CCDC66: variants seen among roughly 807,000 people sequenced by gnomAD.
CCDC66 encodes the protein coiled-coil domain-containing protein 66.
CCDC66 carries 133 observed loss-of-function variants against 128.3 expected under a neutral mutation model. The observed-to-expected ratio is 1.04, with a 90% CI of 0.90 to 1.20. The LOEUF (loss-of-function observed/expected upper bound fraction) is 1.20, where lower values mean the gene tolerates loss of function less well. CCDC66 is among the 50% of genes most tolerant of loss of function. The probability of loss-of-function intolerance (pLI) is 0.00; values close to 1 mark genes in which losing one functional copy is unlikely to be tolerated. For missense variants in CCDC66, 1,126 were observed against 1,075.5 expected (o/e 1.05, Z -0.66); for synonymous variants, 387 against 357.0 (o/e 1.08, Z -0.95).
chr3:56,613,934 C>G (rs1236385344), intron 11 of CCDC66, among the ~76,000 whole-genome samples, 184 bp downstream of exon 11: 1 of 152,094 alleles, frequency 6.6e-6, no homozygotes, highest in East Asian at 1.9e-4. Context: ...CACGTACCAA[C>G]ACATCTGGCT....
chr3:56,558,882 A>G lies in CCDC66; in HGVS notation c.48A>G (p.Gly16=). The G allele has an allele frequency of 6.5e-7, 1 of 1,549,476 alleles. No homozygotes were observed. The highest frequency in any genetic ancestry group is 8.7e-7 in the Non-Finnish European group (1 of 1,145,552). ...GLKLETELLD[G]KTKLILSPYE... is the part of the protein sequence containing the mutation. ...AGCTTGAAACTGAATTACTGGATGG[A>G]AAAACCAAGCTAATATTGTCTCCAT... The change falls in exon 2 of 18, where the codon GGA becomes GGG. Residue 16 remains glycine (G), a synonymous_variant. Coordinates refer to ENST00000394672, the MANE Select transcript of CCDC66 (RefSeq NM_001141947.3).
intron 7 of CCDC66, among the ~76,000 whole-genome samples, chr3:56,584,907 T>G (rs1484728878): frequency 6.6e-6 from 1 of 151,836 alleles, no homozygotes; most frequent in African/African-American, 2.4e-5. Context: ...CCGGCCAGCA[T>G]AGCGAAACCC....
Position 56,617,154 on chromosome 3 carries a change from G to A in CCDC66, c.1886G>A (p.Cys629Tyr), listed in dbSNP as rs1243575432. Residue 629 changes from cysteine (C) to tyrosine (Y), a missense_variant, in exon 14 of 18, where the codon TGT (cysteine) becomes TAT (tyrosine). Cys to Tyr is a radical substitution (Grantham distance 194, BLOSUM62 -2). Transcript: ENST00000394672. ...ATATTCACCAATGCAGAATCACATTGTGGATCATTAATGGAGAGGGACATC... is the reference window on the plus strand; with the variant it reads ...ATATTCACCAATGCAGAATCACATTATGGATCATTAATGGAGAGGGACATC... Reference protein sequence around the residue: ...IGIFTNAESHCGSLMERDITN... With the variant: ...IGIFTNAESHYGSLMERDITN... 2 of 1,599,808 alleles carry A rather than the reference G, an allele frequency of 1.3e-6. No homozygotes were observed. Among genetic ancestry groups the A allele is most frequent in the African/African-American group, 1.3e-5 (1 of 74,150 alleles).
chr3:56,563,180 G>A (rs1442435979), intron 3 of CCDC66, among the ~76,000 whole-genome samples: 1 of 151,686 alleles, frequency 6.6e-6, no homozygotes, highest in East Asian at 2.0e-4. Context: ...GGCTAACATG[G>A]TGAAACCCCG....
intron 10 of CCDC66, among the ~76,000 whole-genome samples, chr3:56,605,685 C>G (rs1048233559): frequency 1.3e-5 from 2 of 152,024 alleles, no homozygotes; most frequent in African/African-American, 4.8e-5. Flanking sequence ...AGCCAGAGCT[C>G]TCCTGTATGA....
chr3:56,570,488 A>C (rs2107839587), intron 6 of CCDC66: 1 of 153,104 alleles, frequency 6.5e-6, no homozygotes, highest in Non-Finnish European at 1.5e-5. Context: ...CGGTGGGCTC[A>C]TGCCTGTAAT....
Position 56,617,325 on chromosome 3 carries a change from G to A in CCDC66, c.2057G>A (p.Arg686Lys), listed in dbSNP as rs771523631. Residue 686 changes from arginine (R) to lysine (K), a missense_variant, in exon 14 of 18, where the codon AGA (arginine) becomes AAA (lysine). Arg to Lys is a conservative substitution (Grantham distance 26). Transcript: ENST00000394672. ...RCNDQCNQFT[R>K]IEKQTKHMKK... The stretch of plus-strand genomic sequence containing the variant: ...AATGACCAGTGTAATCAGTTCACAA[G>A]AATAGAGAAACAAACAAAACACATG... The A allele has an allele frequency of 5.6e-6, 9 of 1,612,394 alleles. No homozygotes were observed. The highest frequency in any genetic ancestry group is 6.8e-6 in the Non-Finnish European group (8 of 1,179,690).
At chr3:56,589,829 T>G (rs1268243186) in intron 7 of CCDC66, among the ~76,000 whole-genome samples, 1 of 152,126 alleles carries the variant, frequency 6.6e-6, no homozygotes, top group Non-Finnish European at 1.5e-5. Flanking sequence ...ACAACCCAAT[T>G]TTTTTAATTG....
chr3:56,593,449 T>G, intron 8 of CCDC66, 42 bp from the exon 9 acceptor site: 1 of 1,597,470 alleles, frequency 6.3e-7, no homozygotes, highest in Non-Finnish European at 8.6e-7. Flanking sequence ...TATATGAGAA[T>G]AATTGGAAAA....
chr3:56,595,727 C>T (rs1261404396), intron 10 of CCDC66, among the ~76,000 whole-genome samples: 2 of 152,132 alleles, frequency 1.3e-5, no homozygotes, highest in East Asian at 1.9e-4. Flanking sequence ...ATTTCATGTT[C>T]TTTCGATAAA....
chr3:56,619,829 T>C lies in CCDC66; in HGVS notation c.2688T>C (p.Leu896=). Residue 896 remains leucine (L), a synonymous_variant, in exon 17 of 18, where the codon CTT becomes CTC. Coordinates refer to ENST00000394672, the MANE Select transcript of CCDC66 (RefSeq NM_001141947.3). The part of the protein sequence containing the change: ...LFDSDCVRDP[L]LNPNMVKNRD... ...ATTCTGACTGTGTCAGGGATCCACT[T>C]CTTAATCCTAACATGGTGAAAAATA... 6.2e-7 allele frequency: 1 copy of C among 1,614,114 alleles called. No individual in the cohort carries two copies. Among genetic ancestry groups the C allele is most frequent in the South Asian group, 1.1e-5 (1 of 91,086 alleles).
Position 56,557,246 on chromosome 3 carries a change from A to T in CCDC66, c.4A>T (p.Asn2Tyr), listed in dbSNP as rs2064416657. ...GGAGAGAGTGCGAGGTCAGGCCATG[A>T]ACTTGGGGTAAGCAGGGGTAAGCTG... M[N>Y]LGDGLKLETE... Residue 2 changes from asparagine (N) to tyrosine (Y), a missense_variant, in exon 1 of 18, where the codon AAC becomes TAC. Coordinates refer to ENST00000394672, the MANE Select transcript of CCDC66 (RefSeq NM_001141947.3). 3 of 1,542,548 alleles carry T rather than the reference A, an allele frequency of 1.9e-6. No individual in the cohort carries two copies. Among genetic ancestry groups the T allele is most frequent in the Non-Finnish European group, 2.6e-6 (3 of 1,144,278 alleles).
intron 7 of CCDC66, among the ~76,000 whole-genome samples, chr3:56,579,349 A>C (rs990713136): frequency 7.3e-5 from 11 of 151,682 alleles, no homozygotes; most frequent in African/African-American, 1.7e-4. Flanking sequence ...TGATCTTTTC[A>C]AAAAACCAGC....
intron 7 of CCDC66, among the ~76,000 whole-genome samples, chr3:56,584,246 C>A (rs1264198616): frequency 3.4e-4 from 51 of 150,022 alleles, no homozygotes; most frequent in African/African-American, 1.2e-3. Flanking sequence ...GGGCTCCTCA[C>A]TTCTCAGACG....
At chr3:56,618,145 T>G in intron 14 of CCDC66, 27 bp from the exon 15 acceptor site, 1 of 1,579,346 alleles carries the variant, frequency 6.3e-7, no homozygotes, top group Non-Finnish European at 8.7e-7. Context: ...ATATATTCCT[T>G]TCTGCATTTA....
intron 10 of CCDC66, among the ~76,000 whole-genome samples, chr3:56,612,183 T>C (rs59238106): frequency 0.072 from 10,995 of 152,270 alleles, 769 homozygotes; most frequent in East Asian, 0.2. Flanking sequence ...TCCGATTTTT[T>C]GAATTTGCTT....
intron 7 of CCDC66, among the ~76,000 whole-genome samples, chr3:56,581,518 G>C (rs1386293742): frequency 3.3e-5 from 5 of 151,800 alleles, no homozygotes. Context: ...CAGCTTTTCT[G>C]CTCTGGTTTC....
chr3:56,561,083 A>G (rs965384934), intron 3 of CCDC66: 1 of 422,208 alleles, frequency 2.4e-6, no homozygotes, highest in African/African-American at 2.0e-5. Context: ...ATATAGTTAT[A>G]TACCATGTAT....
intron 7 of CCDC66, among the ~76,000 whole-genome samples, chr3:56,592,274 A>C (rs372174740): frequency 1.3e-5 from 2 of 152,202 alleles, no homozygotes; most frequent in East Asian, 3.8e-4. Context: ...CAATATTCCA[A>C]ATGTTGTATT....
Sources: allele counts gnomAD v4.1 joint callset (sites outside exome capture counted in the v4.1 genomes callset), GRCh38; gene constraint gnomAD v4.1.1; transcripts MANE v1.5; gene names NCBI Gene and HGNC (gene_info 2026-07-23, HGNC 2026-07-21).